COL26A1: variants seen among roughly 807,000 people sequenced by gnomAD.
The protein encoded by COL26A1 is collagen alpha-1(XXVI) chain.
Under a neutral mutation model 59.3 loss-of-function variants are expected in COL26A1, and 41 were observed. The ratio of observed to expected loss-of-function variants is 0.69; its 90% CI spans 0.54 to 0.90. The LOEUF is 0.90. Ranked by LOEUF, COL26A1 falls within the 40% of genes least tolerant of loss-of-function variation. The pLI, the probability that COL26A1 is intolerant of heterozygous loss-of-function variation, is 0.00. For synonymous variants in COL26A1, 266 were observed against 256.0 expected, an observed-to-expected ratio of 1.04 and a Z score of -0.37; for missense variants, 612 against 602.3, an observed-to-expected ratio of 1.02 and a Z score of -0.17.
intron 3 of COL26A1, among the ~76,000 whole-genome samples, chr7:101,466,040 G>T (rs1793751596): frequency 6.6e-6 from 1 of 152,102 alleles, no homozygotes. Context: ...CTCCCCAGCA[G>T]CAAATGCAGG....
At chr7:101,498,844 C>T (rs930955587) in intron 3 of COL26A1, among the ~76,000 whole-genome samples, 10 of 152,230 alleles carry the variant, frequency 6.6e-5, no homozygotes, top group Admixed American at 3.9e-4. Context: ...TTTGCAAAGG[C>T]GAGGGAGGCT....
intron 3 of COL26A1, among the ~76,000 whole-genome samples, chr7:101,497,750 G>A (rs534665213): frequency 1.3e-5 from 2 of 152,308 alleles, no homozygotes; most frequent in African/African-American, 4.8e-5. Context: ...GCAGCCCAAG[G>A]TGGAAGGATC....
chr7:101,543,191 A>C (rs1308651141), intron 5 of COL26A1, among the ~76,000 whole-genome samples: 1 of 145,038 alleles, frequency 6.9e-6, no homozygotes, highest in Non-Finnish European at 1.5e-5. Flanking sequence ...TTTTTTTCTG[A>C]GACGGTCTCG....
chr7:101,544,642 C>T (rs1795692173), intron 6 of COL26A1, among the ~76,000 whole-genome samples: 1 of 151,248 alleles, frequency 6.6e-6, no homozygotes, highest in African/African-American at 2.4e-5. Flanking sequence ...AAGCAACTGT[C>T]CTGCCTCAGC....
intron 1 of COL26A1, among the ~76,000 whole-genome samples, chr7:101,399,148 A>T (rs1209000015): frequency 6.6e-6 from 1 of 151,752 alleles, no homozygotes; most frequent in Non-Finnish European, 1.5e-5. Flanking sequence ...TCTACAAAAA[A>T]TTTCAAAATT....
chr7:101,503,424 C>T (rs922088066), intron 3 of COL26A1, among the ~76,000 whole-genome samples: 1 of 152,158 alleles, frequency 6.6e-6, no homozygotes, highest in African/African-American at 2.4e-5. Context: ...CCTTGTCACC[C>T]AGGCTGGAGT....
chr7:101,378,534 T>A (rs966782001), intron 1 of COL26A1, among the ~76,000 whole-genome samples: 16 of 151,456 alleles, frequency 1.1e-4, no homozygotes, highest in Admixed American at 1.3e-4. Flanking sequence ...ACAAAAAAAA[T>A]TTTTTTTTGT....
chr7:101,467,542 T>C (rs1793793277), intron 3 of COL26A1, among the ~76,000 whole-genome samples: 1 of 151,692 alleles, frequency 6.6e-6, no homozygotes, highest in South Asian at 2.1e-4. Flanking sequence ...CCATCTTGTC[T>C]GTTCCTTCCT....
At chr7:101,397,133 C>G (rs915586454) in intron 1 of COL26A1, among the ~76,000 whole-genome samples, 3 of 152,176 alleles carry the variant, frequency 2.0e-5, no homozygotes, top group South Asian at 2.1e-4. Flanking sequence ...CCCGGCAGAA[C>G]CAGACACCAC....
chr7:101,411,122 A>G (rs972545975), intron 1 of COL26A1, among the ~76,000 whole-genome samples: 2 of 152,196 alleles, frequency 1.3e-5, no homozygotes, highest in Non-Finnish European at 2.9e-5. Flanking sequence ...GTCCTGGCAC[A>G]GACCACAGCC....
At chr7:101,388,100 C>T (rs1431745636) in intron 1 of COL26A1, among the ~76,000 whole-genome samples, 1 of 151,242 alleles carries the variant, frequency 6.6e-6, no homozygotes, top group Non-Finnish European at 1.5e-5. Flanking sequence ...CAGTGTATAG[C>T]ACAGTGGCAT....
intron 3 of COL26A1, among the ~76,000 whole-genome samples, chr7:101,531,905 T>C (rs10237510): frequency 0.5 from 76,400 of 151,774 alleles, 20,782 homozygotes; most frequent in African/African-American, 0.7. Flanking sequence ...TGGGCTGCAG[T>C]TCTCACCTCT....
At chr7:101,464,759 G>T (rs1183066832) in intron 3 of COL26A1, among the ~76,000 whole-genome samples, 1 of 151,910 alleles carries the variant, frequency 6.6e-6, no homozygotes, top group African/African-American at 2.4e-5. Context: ...ACAGTGTCTT[G>T]CTCGGTTGCC....
At chr7:101,385,662 C>T (rs998552503) in intron 1 of COL26A1, among the ~76,000 whole-genome samples, 4 of 151,886 alleles carry the variant, frequency 2.6e-5, no homozygotes, top group East Asian at 1.9e-4. Context: ...TGAGCCACCA[C>T]GCCTGGCCCC....
chr7:101,410,971 T>C (rs2130240274), intron 1 of COL26A1, among the ~76,000 whole-genome samples: 1 of 152,314 alleles, frequency 6.6e-6, no homozygotes, highest in African/African-American at 2.4e-5. Context: ...GCAGGCAACC[T>C]CACTGGCACT....
rs570986936 is a variant in COL26A1 at position 101,541,632 on chromosome 7, G to T, written c.604+1583G>T. On this transcript the variant is annotated intron_variant, in intron 5 of 12. Coordinates refer to ENST00000313669, the MANE Select transcript of COL26A1 (RefSeq NM_001278563.3). ...TCCCAAAGTGCTGGGATTTACAGGT[G>T]TGAGCCACCATGCTTGGCCCTGGCC... 2.0e-5 allele frequency among the ~76,000 whole-genome samples: 3 copies of T among 152,084 alleles called. No individual in the cohort carries two copies. The South Asian group carries it at 6.2e-4, about 32-fold the overall frequency.
At chr7:101,554,698 C>T (rs1208942639) in intron 11 of COL26A1, among the ~76,000 whole-genome samples, 2 of 151,828 alleles carry the variant, frequency 1.3e-5, no homozygotes, top group Admixed American at 6.6e-5. Context: ...GAACTACAAT[C>T]GTGCCACTGT....
chr7:101,557,536 C>G lies in COL26A1; in HGVS notation c.*6C>G, dbSNP rs757110962. 8 of 1,603,598 alleles carry G rather than the reference C, an allele frequency of 5.0e-6. No homozygotes were observed. The highest frequency in any genetic ancestry group is 2.6e-6 in the Non-Finnish European group (3 of 1,173,088). On this transcript the variant is annotated 3_prime_UTR_variant, in exon 13 of 13. Transcript: ENST00000313669. ...AGGCCAGCAGCAGGAAGTGAGAGCCCACTGCTCCAGGACACCCTGTCCTGG... is the reference window on the plus strand; with the variant it reads ...AGGCCAGCAGCAGGAAGTGAGAGCCGACTGCTCCAGGACACCCTGTCCTGG...
intron 4 of COL26A1, among the ~76,000 whole-genome samples, chr7:101,538,899 G>A (rs1795541578): frequency 1.3e-5 from 2 of 152,218 alleles, no homozygotes; most frequent in Admixed American, 1.3e-4. Context: ...AGCCCAGCAG[G>A]TCCTTCACGC....
Sources: gnomAD v4.1 joint callset for allele counts (sites outside exome capture counted in the v4.1 genomes callset) on GRCh38, gnomAD v4.1.1 for gene constraint, MANE v1.5 for transcripts, NCBI Gene and HGNC (gene_info 2026-07-23, HGNC 2026-07-21) for gene names.